SGCD: variants seen among roughly 807,000 people sequenced by gnomAD.
SGCD encodes delta-sarcoglycan.
In SGCD, 18 loss-of-function variants were observed where a neutral mutation model predicts 36.6. The ratio of observed to expected loss-of-function variants is 0.49; its 90% CI spans 0.34 to 0.73. SGCD has a LOEUF of 0.73. SGCD is among the 30% of genes least tolerant of loss of function. The probability of loss-of-function intolerance (pLI) is 0.01; values close to 1 mark genes in which losing one functional copy is unlikely to be tolerated. For synonymous variants in SGCD, 133 were observed against 130.6 expected (o/e 1.02, Z -0.12); for missense variants, 387 against 346.7 (o/e 1.12, Z -0.92).
At chr5:156,308,220 C>A (rs191065504) in intron 3 of SGCD, among the ~76,000 whole-genome samples, 1 of 151,792 alleles carries the variant, frequency 6.6e-6, no homozygotes, top group Admixed American at 6.6e-5. Flanking sequence ...AACTTACAAT[C>A]GTGGCGGAGG....
At position 156,423,323 on chromosome 5, in the gene SGCD, TATTTTATTATAATATAATATATTATA is replaced by T. The variant is rs1773475235; in HGVS notation, c.192+78663_192+78688del. On this transcript the variant is annotated intron_variant, in intron 3 of 8. Coordinates refer to ENST00000337851, the MANE Select transcript of SGCD (RefSeq NM_000337.6). ...TAATATATTTTATTATAATATAATA[TATTTTATTATAATATAATATATTATA>T]ATTTTATTATAATATATTATATTTT... Among the ~76,000 whole-genome samples the T allele has an allele frequency of 7.3e-5, 5 of 68,210 alleles. No homozygotes were observed. In the South Asian group the frequency reaches 2.0e-3, roughly 28 times the overall value. The allele number at this position is 68,210 out of a possible 152,430, so 44.7% of individuals were successfully genotyped here. A position where few individuals can be genotyped will look rare whatever the true frequency, so the allele number is the denominator to read the frequency against.
chr5:156,099,016 G>T (rs1445231048), intron 1 of SGCD, among the ~76,000 whole-genome samples: 2 of 152,162 alleles, frequency 1.3e-5, no homozygotes, highest in African/African-American at 4.8e-5. Flanking sequence ...CCAAGGAAGG[G>T]ATGTGACCAC....
chr5:156,339,052 T>A (rs1371655613), intron 2 of SGCD, among the ~76,000 whole-genome samples: 1 of 152,210 alleles, frequency 6.6e-6, no homozygotes, highest in Non-Finnish European at 1.5e-5. Flanking sequence ...CTCCAAAACA[T>A]GCTTTAGTAA....
chr5:156,185,870 G>T (rs879845384), intron 3 of SGCD, among the ~76,000 whole-genome samples: 34,418 of 51,064 alleles, frequency 0.67, 9,330 homozygotes, highest in East Asian at 0.8. Context: ...GAGAGAGAGA[G>T]AGAGAGAGAG....
At chr5:156,137,025 T>G (rs751304200) in intron 3 of SGCD, among the ~76,000 whole-genome samples, 1 of 152,216 alleles carries the variant, frequency 6.6e-6, no homozygotes, top group Non-Finnish European at 1.5e-5. Flanking sequence ...AAGTTGAATG[T>G]TGGCCTGTGG....
intron 1 of SGCD, among the ~76,000 whole-genome samples, chr5:155,891,558 C>CTTTTTTTTTTTTTTTTTTTTTGTTTTTTT (rs372399423): frequency 1.6e-5 from 1 of 60,778 alleles, no homozygotes; most frequent in Non-Finnish European, 2.8e-5. Flanking sequence ...AATAAATACT[C>CTTTTTTTTTTTTTTTTTTTTTGTTTTTTT]TTTTTTTTTT....
At chr5:156,008,927 A>C (rs753995006) in intron 1 of SGCD, among the ~76,000 whole-genome samples, 1 of 152,326 alleles carries the variant, frequency 6.6e-6, no homozygotes, top group Non-Finnish European at 1.5e-5. Context: ...CTATATTTAT[A>C]CAAGAGTCAT....
intron 1 of SGCD, among the ~76,000 whole-genome samples, chr5:155,956,130 C>T (rs1396004452): frequency 7.6e-6 from 1 of 131,466 alleles, no homozygotes; most frequent in Non-Finnish European, 1.6e-5. Flanking sequence ...TTTTTTCCCA[C>T]CTCTCCCACC....
intron 7 of SGCD, among the ~76,000 whole-genome samples, chr5:156,652,886 A>G (rs1276361548): frequency 6.6e-6 from 1 of 151,974 alleles, no homozygotes; most frequent in Non-Finnish European, 1.5e-5. Context: ...TGTTTATACG[A>G]TGGATCACAT....
At chr5:155,872,059 A>G (rs1276033873) in intron 1 of SGCD, among the ~76,000 whole-genome samples, 1 of 152,124 alleles carries the variant, frequency 6.6e-6, no homozygotes. Flanking sequence ...GGACTTGTTA[A>G]TGGATTCATG....
intron 3 of SGCD, among the ~76,000 whole-genome samples, chr5:156,428,048 A>G (rs1773752095): frequency 6.6e-6 from 1 of 152,178 alleles, no homozygotes; most frequent in Non-Finnish European, 1.5e-5. Context: ...TGCTGGCTTC[A>G]TAGAATGATT....
intron 3 of SGCD, among the ~76,000 whole-genome samples, chr5:156,168,880 G>T (rs530184464): frequency 1.3e-5 from 2 of 152,186 alleles, no homozygotes; most frequent in Non-Finnish European, 2.9e-5. Context: ...ACACACATGC[G>T]CCATGAGCAG....
At chr5:156,473,861 G>C (rs957057461) in intron 3 of SGCD, among the ~76,000 whole-genome samples, 1 of 152,100 alleles carries the variant, frequency 6.6e-6, no homozygotes, top group African/African-American at 2.4e-5. Context: ...TATCCACAAG[G>C]CTTGAGTGCT....
At chr5:156,694,569 A>T (rs781251695) in intron 7 of SGCD, among the ~76,000 whole-genome samples, 2 of 152,226 alleles carry the variant, frequency 1.3e-5, no homozygotes, top group Non-Finnish European at 2.9e-5. Flanking sequence ...TATTATTAAC[A>T]GAAGTTTTTA....
At chr5:156,397,130 T>C (rs1246715274) in intron 3 of SGCD, among the ~76,000 whole-genome samples, 1 of 152,238 alleles carries the variant, frequency 6.6e-6, no homozygotes, top group Non-Finnish European at 1.5e-5. Context: ...ATTTGGGTTA[T>C]ATATTCAGTA....
At chr5:156,250,427 G>C (rs1456723062) in intron 3 of SGCD, among the ~76,000 whole-genome samples, 1 of 152,104 alleles carries the variant, frequency 6.6e-6, no homozygotes, top group African/African-American at 2.4e-5. Context: ...CAAATAATTT[G>C]CTTTACCCAG....
intron 3 of SGCD, among the ~76,000 whole-genome samples, chr5:156,437,753 G>GGAAATTGAAGAGGA (rs1162862166): frequency 6.6e-6 from 1 of 152,142 alleles, no homozygotes; most frequent in Non-Finnish European, 1.5e-5. Context: ...GGCAATTCAG[G>GGAAATTGAAGAGGA]GAAATTGAAG....
chr5:156,464,197 T>A (rs998732702), intron 3 of SGCD, among the ~76,000 whole-genome samples: 7 of 150,260 alleles, frequency 4.7e-5, no homozygotes, highest in African/African-American at 1.7e-4. Context: ...AGTGGAAGAA[T>A]CTAGGTTTGA....
At chr5:156,220,329 G>C (rs2127645349) in intron 3 of SGCD, among the ~76,000 whole-genome samples, 1 of 152,264 alleles carries the variant, frequency 6.6e-6, no homozygotes, top group African/African-American at 2.4e-5. Flanking sequence ...TGTTGTCTGT[G>C]TGTGCTCACA....
Sources: allele counts gnomAD v4.1 joint callset (sites outside exome capture counted in the v4.1 genomes callset), GRCh38; gene constraint gnomAD v4.1.1; transcripts MANE v1.5; gene names NCBI Gene and HGNC (gene_info 2026-07-23, HGNC 2026-07-21).